Variants in CELF2 observed in about 807,000 individuals in gnomAD.
The protein encoded by CELF2 is CUGBP Elav-like family member 2, also known as CUG triplet repeat RNA-binding protein 2.
CELF2 carries 8 observed loss-of-function variants against 62.6 expected under a neutral mutation model. The ratio of observed to expected loss-of-function variants is 0.13; its 90% confidence interval spans 0.07 to 0.23. The LOEUF is 0.23. Among genes scored for constraint, CELF2 ranks in the 10% least tolerant of loss-of-function variants. CELF2 has a pLI of 1.00. For missense variants in CELF2, 333 were observed against 671.0 expected (o/e 0.50, Z 5.56); for synonymous variants, 258 against 250.0 (o/e 1.03, Z -0.30).
rs1008253852 is a variant in CELF2 at position 11,178,216 on chromosome 10, AGT to A, written c.271+12538_271+12539del. Among the ~76,000 whole-genome samples, 2 of 152,190 alleles carry A rather than the reference AGT, an allele frequency of 1.3e-5. No homozygotes were observed. Among genetic ancestry groups the A allele is most frequent in the Non-Finnish European group, 2.9e-5 (2 of 68,024 alleles). ...CTCCCCTTTGCCAACCGGGCTGCTG[AGT>A]GTGATGCTCCCTTTGTGAAGTGGAC... On this transcript the variant is annotated intron_variant, in intron 2 of 12. Coordinates refer to ENST00000633077, the MANE Select transcript of CELF2 (RefSeq NM_001326342.2). The surrounding 1 kb of genome is among the most constrained non-coding windows in gnomAD (Gnocchi z 4.3).
intron 12 of CELF2, among the ~76,000 whole-genome samples, 178 bp downstream of exon 12, chr10:11,326,157 A>C (rs552994519): frequency 1.0e-3 from 157 of 152,310 alleles, no homozygotes; most frequent in South Asian, 4.1e-4. Context: ...TGGGAAATTA[A>C]AGTCAACGCC....
chr10:10,786,737 T>A, the CELF2 span: 1 of 152,184 alleles, frequency 6.6e-6, no homozygotes, highest in Non-Finnish European at 1.5e-5. Flanking sequence ...GAAGAGGTGC[T>A]ACAGGAATAA....
At chr10:11,070,170 G>A (rs930750076) in intron 1 of CELF2, among the ~76,000 whole-genome samples, 6 of 151,740 alleles carry the variant, frequency 4.0e-5, no homozygotes, top group South Asian at 2.1e-4. Flanking sequence ...TTTTTTCTTC[G>A]TATACAGTGG....
intron 9 of CELF2, among the ~76,000 whole-genome samples, chr10:11,293,348 T>G (rs2092762766): frequency 6.6e-6 from 1 of 152,250 alleles, no homozygotes; most frequent in Non-Finnish European, 1.5e-5. Flanking sequence ...AGAAGATTTT[T>G]GGCGGTAATT....
At chr10:10,601,482 A>T in the CELF2 span, among the ~76,000 whole-genome samples, 1 of 152,222 alleles carries the variant, frequency 6.6e-6, no homozygotes, top group Non-Finnish European at 1.5e-5. Flanking sequence ...AGTGGAAAAG[A>T]GATGCCATCC....
the CELF2 span, among the ~76,000 whole-genome samples, chr10:10,764,946 T>C: frequency 6.6e-6 from 1 of 152,168 alleles, no homozygotes; most frequent in Non-Finnish European, 1.5e-5. Flanking sequence ...TAAAAGCTCA[T>C]GTGCAGTATT....
chr10:10,767,977 C>G, the CELF2 span, among the ~76,000 whole-genome samples: 4 of 88,976 alleles, frequency 4.5e-5, 1 homozygote, highest in Admixed American at 4.8e-4. Flanking sequence ...GCCTGGGCGA[C>G]AGAGCGAGAC....
the CELF2 span, among the ~76,000 whole-genome samples, chr10:10,536,624 G>A: frequency 1.3e-5 from 2 of 152,210 alleles, no homozygotes; most frequent in African/African-American, 4.8e-5. Context: ...GGCCCAGAAT[G>A]TCAGCAAGTG....
intron 1 of CELF2, among the ~76,000 whole-genome samples, chr10:11,140,159 T>A (rs2061095944): frequency 6.6e-6 from 1 of 152,168 alleles, no homozygotes; most frequent in Non-Finnish European, 1.5e-5. Flanking sequence ...AGAAATCTGG[T>A]TGGTATATTT....
the CELF2 span, among the ~76,000 whole-genome samples, chr10:10,651,299 T>C: frequency 2.2e-3 from 323 of 143,972 alleles, no homozygotes; most frequent in African/African-American, 7.0e-3. Flanking sequence ...GGGGGAGGGG[T>C]GCCCGCCATT....
rs536327280 is a variant in CELF2, at chr10:10,990,997, G to A, written c.89+70998G>A. On this transcript the variant is annotated intron_variant, in intron 2 of 13. Coordinates refer to the CELF2 transcript ENST00000636488. This position sits in a 1 kb window ranked among gnomAD's most constrained non-coding sequence, Gnocchi z 4.6. ...TGTGTGTGTGTGTGTGTGCCCACAC[G>A]TGTGTGTTGTTTTGTTTGTGTGAGT... 7.9e-5 allele frequency among the ~76,000 whole-genome samples: 12 copies of A among 152,092 alleles called. No individual in the cohort carries two copies. The highest frequency in any genetic ancestry group is 2.4e-4 in the African/African-American group (10 of 41,462).
chr10:11,198,367 G>A (rs2058474811), intron 2 of CELF2, among the ~76,000 whole-genome samples: 1 of 152,206 alleles, frequency 6.6e-6, no homozygotes, highest in South Asian at 2.1e-4. Flanking sequence ...GGGAAAACAT[G>A]GGTTGTGATG....
At chr10:10,998,755 A>G (rs2054225711) in intron 2 of CELF2, among the ~76,000 whole-genome samples, 2 of 152,150 alleles carry the variant, frequency 1.3e-5, no homozygotes, top group South Asian at 4.2e-4. Flanking sequence ...CCTAAAAATG[A>G]ATGAAGCAAA....
chr10:10,796,889 T>C (rs1466368813), upstream of CELF2: 2 of 985,206 alleles, frequency 2.0e-6, no homozygotes, highest in Non-Finnish European at 2.4e-6. Flanking sequence ...AGAAAGGCAA[T>C]GATTTTTGTA....
intron 2 of CELF2, among the ~76,000 whole-genome samples, chr10:11,181,655 C>T (rs765453967): frequency 2.3e-4 from 35 of 152,208 alleles, no homozygotes; most frequent in African/African-American, 7.5e-4. Context: ...GCTGTATGCC[C>T]CTCTCACTGT....
At chr10:10,927,979 T>C (rs1447644983) in intron 2 of CELF2, among the ~76,000 whole-genome samples, 1 of 152,190 alleles carries the variant, frequency 6.6e-6, no homozygotes, top group Non-Finnish European at 1.5e-5. Context: ...CAAGGGCTGC[T>C]TTCATCTACC....
intron 1 of CELF2, among the ~76,000 whole-genome samples, chr10:10,844,247 T>C (rs1012898573): frequency 3.3e-5 from 5 of 152,022 alleles, no homozygotes; most frequent in African/African-American, 1.2e-4. Context: ...TTTCTGGTTT[T>C]TCCTGAAATC....
rs141362493 is a variant in CELF2 at position 11,100,926 on chromosome 10, A to G, written c.75-64560A>G. ...AAATCCGCATTAGGATGCAGATGGC[A>G]GCACGTTGAAACACCAGGCAAAGAG... On this transcript the variant is annotated intron_variant, in intron 1 of 12. Coordinates refer to ENST00000633077, the MANE Select transcript of CELF2 (RefSeq NM_001326342.2). 5.5e-4 allele frequency among the ~76,000 whole-genome samples: 84 copies of G among 152,364 alleles called. 2 individuals are homozygous for G. In the East Asian group the frequency reaches 0.015, roughly 28 times the overall value.
At chr10:10,981,286 G>A (rs2052070994) in intron 2 of CELF2, among the ~76,000 whole-genome samples, 1 of 152,216 alleles carries the variant, frequency 6.6e-6, no homozygotes, top group African/African-American at 2.4e-5. Flanking sequence ...AGGAGGGAAT[G>A]AGCTTACTAA....
Sources: gnomAD v4.1 joint callset for allele counts (sites outside exome capture counted in the v4.1 genomes callset) on GRCh38, gnomAD v4.1.1 for gene constraint, Gnocchi (gnomAD v3.1) non-coding constraint, MANE v1.5 for transcripts, NCBI Gene and HGNC (gene_info 2026-07-23, HGNC 2026-07-21) for gene names.